NLK: variants seen among roughly 807,000 people sequenced by gnomAD.
NLK encodes serine/threonine-protein kinase NLK.
In NLK, 11 loss-of-function variants were observed where a neutral mutation model predicts 59.0. That is an observed-to-expected ratio of 0.19 (90% CI 0.12 to 0.31). The LOEUF is 0.31. NLK is among the 10% of genes least tolerant of loss of function. NLK has a pLI of 1.00. For missense variants in NLK, 410 were observed against 661.1 expected (o/e 0.62, Z 4.16); for synonymous variants, 235 against 235.9 (o/e 1.00, Z 0.03).
chr17:28,190,808 G>C (rs1909278708), intron 8 of NLK: 1 of 454,258 alleles, frequency 2.2e-6, no homozygotes, highest in Non-Finnish European at 3.9e-6. Context: ...TAAGTACTTT[G>C]TGATGGTAGA....
intron 2 of NLK, among the ~76,000 whole-genome samples, chr17:28,127,201 G>A (rs1906325489): frequency 6.6e-6 from 1 of 152,064 alleles, no homozygotes; most frequent in Non-Finnish European, 1.5e-5. Flanking sequence ...GAAATCTAAG[G>A]GCCTGGAGTG....
At chr17:28,203,164 T>C in the NLK span, among the ~76,000 whole-genome samples, 1,954 of 136,946 alleles carry the variant, frequency 0.014, 60 homozygotes, top group African/African-American at 0.052. Context: ...TATACATACA[T>C]ACACACACAC....
chr17:28,161,868 G>A (rs992292561), intron 4 of NLK, among the ~76,000 whole-genome samples: 1 of 152,128 alleles, frequency 6.6e-6, no homozygotes. Context: ...ATGTCCATGA[G>A]AATTTTGCCA....
chr17:28,104,232 G>C (rs1024055145), intron 1 of NLK, among the ~76,000 whole-genome samples: 1 of 152,010 alleles, frequency 6.6e-6, no homozygotes, highest in African/African-American at 2.4e-5. Flanking sequence ...GGCCTGGTCA[G>C]TGGAAGATAG....
intron 1 of NLK, among the ~76,000 whole-genome samples, chr17:28,114,732 T>A (rs149387543): frequency 8.8e-4 from 134 of 152,308 alleles, no homozygotes; most frequent in African/African-American, 3.1e-3. Context: ...TTGTGTATAG[T>A]GTGGAGTAGG....
chr17:28,071,258 A>T (rs1368179390), intron 1 of NLK, among the ~76,000 whole-genome samples: 1 of 152,196 alleles, frequency 6.6e-6, no homozygotes, highest in African/African-American at 2.4e-5. Context: ...TTAATTCAAG[A>T]TTATTTTGGC....
At chr17:28,102,000 C>G (rs1380184592) in intron 1 of NLK, among the ~76,000 whole-genome samples, 1 of 152,098 alleles carries the variant, frequency 6.6e-6, no homozygotes, top group Non-Finnish European at 1.5e-5. Context: ...TACTTTTAAC[C>G]TATCTGTATC....
chr17:28,069,831 C>A (rs1351212902), intron 1 of NLK, among the ~76,000 whole-genome samples: 1 of 152,050 alleles, frequency 6.6e-6, no homozygotes, highest in Non-Finnish European at 1.5e-5. Context: ...CTGTAACTTA[C>A]CTTTTCATTT....
rs185533190 is a variant in NLK, at chr17:28,141,416, G to T, written c.644+8741G>T. 1.4e-4 allele frequency among the ~76,000 whole-genome samples: 21 copies of T among 152,316 alleles called. No homozygotes were observed. The East Asian group carries it at 4.1e-3, about 29-fold the overall frequency. ...GAGTAGGTAAGGACTAGCATCTGTAGATTGATGTGTTTAGAGACTTGCCCT... is the reference window on the plus strand; with the variant it reads ...GAGTAGGTAAGGACTAGCATCTGTATATTGATGTGTTTAGAGACTTGCCCT... On this transcript the variant is annotated intron_variant, in intron 3 of 10. Transcript: ENST00000407008.
intron 4 of NLK, 57 bp downstream of exon 4, chr17:28,161,323 T>C: frequency 1.0e-6 from 1 of 965,602 alleles, no homozygotes; most frequent in Non-Finnish European, 1.7e-6. Context: ...AATGTTTTGC[T>C]TCTCATTTAG....
intron 10 of NLK, among the ~76,000 whole-genome samples, chr17:28,193,218 T>C (rs1909371433): frequency 6.6e-6 from 1 of 152,200 alleles, no homozygotes; most frequent in Non-Finnish European, 1.5e-5. Context: ...AAGCAGCCAC[T>C]CCCTGTAGAC....
chr17:28,160,677 A>G (rs1907970785), intron 3 of NLK, among the ~76,000 whole-genome samples: 1 of 152,210 alleles, frequency 6.6e-6, no homozygotes, highest in Non-Finnish European at 1.5e-5. Flanking sequence ...GACTTAACTA[A>G]TTATTTTACA....
At chr17:28,185,367 T>C in intron 8 of NLK, 102 bp downstream of exon 8, 1 of 708,294 alleles carries the variant, frequency 1.4e-6, no homozygotes, top group South Asian at 2.1e-5. Context: ...AATAATTACT[T>C]TTCAGAATAT....
chr17:28,188,923 T>TCAA (rs2142072116), intron 8 of NLK, among the ~76,000 whole-genome samples: 1 of 152,150 alleles, frequency 6.6e-6, no homozygotes, highest in East Asian at 1.9e-4. Context: ...ACTCAATTAC[T>TCAA]TGATTCAGTC....
intron 1 of NLK, among the ~76,000 whole-genome samples, chr17:28,109,550 C>G (rs1597685690): frequency 6.6e-6 from 1 of 152,310 alleles, no homozygotes; most frequent in South Asian, 2.1e-4. Context: ...CCCAGGCAAT[C>G]ACTGAAATGT....
chr17:28,142,064 A>G (rs1419805124), intron 3 of NLK, among the ~76,000 whole-genome samples: 1 of 152,192 alleles, frequency 6.6e-6, no homozygotes, highest in Non-Finnish European at 1.5e-5. Context: ...AGAGAGCTGA[A>G]GTTTAAAATA....
chr17:28,067,314 T>G (rs946242798), intron 1 of NLK, among the ~76,000 whole-genome samples: 16 of 152,272 alleles, frequency 1.1e-4, no homozygotes, highest in Admixed American at 7.2e-4. Context: ...TTTTTATGTT[T>G]TTTACAAAAA....
rs372024114 is a variant in NLK at position 28,042,992 on chromosome 17, C to G, written c.119C>G (p.Pro40Arg). The change falls in exon 1 of 11, where the codon CCT becomes CGT. Residue 40 changes from proline to arginine, a missense_variant. By Grantham distance (103) the Pro-to-Arg change is moderately radical. Around this residue, in one of 5 missense-constraint regions of NLK, gnomAD observed 160 missense variants for 171.0 expected, o/e 0.94. Coordinates refer to ENST00000407008, the MANE Select transcript of NLK (RefSeq NM_016231.5). ...CACCACCACCTTCCACACCTCCCTC[C>G]TCCTCACCTGCACCACCACCACCAC... ...HHHHHLPHLP[P>R]PHLHHHHHPQ... 8.8e-5 allele frequency: 137 copies of G among 1,557,212 alleles called. No individual in the cohort carries two copies. The highest frequency in any genetic ancestry group is 1.2e-4 in the Non-Finnish European group (133 of 1,149,920).
At chr17:28,129,990 A>G (rs1046257991) in intron 2 of NLK, among the ~76,000 whole-genome samples, 1 of 152,200 alleles carries the variant, frequency 6.6e-6, no homozygotes, top group African/African-American at 2.4e-5. Flanking sequence ...CTGTTAAGAA[A>G]TGTGTTTGGT....
Sources: allele counts gnomAD v4.1 joint callset (sites outside exome capture counted in the v4.1 genomes callset), GRCh38; gene constraint gnomAD v4.1.1; regional missense constraint gnomAD v4.1.1; transcripts MANE v1.5; gene names NCBI Gene and HGNC (gene_info 2026-07-23, HGNC 2026-07-21).